GPC5: variants seen among roughly 807,000 people sequenced by gnomAD.
GPC5 encodes the protein glypican 5, also known as glypican-5.
GPC5 carries 47 observed loss-of-function variants against 53.9 expected under a neutral mutation model. That is an observed-to-expected ratio of 0.87 (90% CI 0.69 to 1.11). The LOEUF (loss-of-function observed/expected upper bound fraction) is 1.11, where lower values mean the gene tolerates loss of function less well. GPC5 is among the 50% of genes most tolerant of loss of function. The pLI, the probability that GPC5 is intolerant of heterozygous loss-of-function variation, is 0.00. For synonymous variants in GPC5, 286 were observed against 263.3 expected, an observed-to-expected ratio of 1.09 and a Z score of -0.84; for missense variants, 748 against 713.1, an observed-to-expected ratio of 1.05 and a Z score of -0.56.
At chr13:92,083,023 T>A (rs1344065191) in intron 6 of GPC5, among the ~76,000 whole-genome samples, 3 of 152,220 alleles carry the variant, frequency 2.0e-5, no homozygotes, top group Non-Finnish European at 2.9e-5. Flanking sequence ...AATACTCATT[T>A]ATTGAGTTTA....
At chr13:92,013,256 T>G (rs1379548616) in intron 6 of GPC5, among the ~76,000 whole-genome samples, 1 of 152,208 alleles carries the variant, frequency 6.6e-6, no homozygotes, top group African/African-American at 2.4e-5. Context: ...GCAGAGAATT[T>G]TATTTAGCAA....
At chr13:91,915,873 A>G (rs548340383) in intron 6 of GPC5, among the ~76,000 whole-genome samples, 6 of 152,324 alleles carry the variant, frequency 3.9e-5, no homozygotes, top group African/African-American at 1.2e-4. Flanking sequence ...AACAACTAGG[A>G]TAAGTGAGGA....
rs560763520 is a variant in GPC5, at chr13:91,625,964, A to G, written c.326-67223A>G. On this transcript the variant is annotated intron_variant, in intron 2 of 7. Coordinates refer to ENST00000377067, the MANE Select transcript of GPC5 (RefSeq NM_004466.6). ...TTTTAAGCAGATATTTAGTCTTTCA[A>G]TTTCACTGATGGCATATTTTTGAAG... Among the ~76,000 whole-genome samples the G allele has an allele frequency of 2.5e-4, 38 of 152,204 alleles. 1 individual carries two copies. The South Asian group carries it at 5.4e-3, about 22-fold the overall frequency.
chr13:92,098,846 C>T (rs150815112), intron 6 of GPC5, among the ~76,000 whole-genome samples: 1 of 152,076 alleles, frequency 6.6e-6, no homozygotes, highest in Non-Finnish European at 1.5e-5. Flanking sequence ...CCCAGTGAGA[C>T]AGATATTGGA....
At chr13:91,567,874 C>T (rs2031606256) in intron 2 of GPC5, among the ~76,000 whole-genome samples, 1 of 152,152 alleles carries the variant, frequency 6.6e-6, no homozygotes, top group Admixed American at 6.6e-5. Flanking sequence ...ATTGTAATCC[C>T]CGCATGTGGC....
chr13:92,033,106 G>C (rs1358450505), intron 6 of GPC5, among the ~76,000 whole-genome samples: 2 of 149,862 alleles, frequency 1.3e-5, no homozygotes, highest in Non-Finnish European at 3.0e-5. Flanking sequence ...GTTTCCTTCA[G>C]GGCACTTTTT....
intron 2 of GPC5, among the ~76,000 whole-genome samples, chr13:91,510,737 A>T (rs372922511): frequency 6.6e-5 from 10 of 152,192 alleles, no homozygotes; most frequent in African/African-American, 2.4e-4. Context: ...TCCATAATGG[A>T]TATAACTATT....
intron 7 of GPC5, among the ~76,000 whole-genome samples, chr13:92,159,284 C>A (rs1461232329): frequency 6.6e-6 from 1 of 152,168 alleles, no homozygotes; most frequent in Non-Finnish European, 1.5e-5. Context: ...CGTCTGGTTT[C>A]TTTTCTGCTG....
chr13:92,454,715 C>G (rs115794143), intron 7 of GPC5, among the ~76,000 whole-genome samples: 1 of 152,014 alleles, frequency 6.6e-6, no homozygotes, highest in African/African-American at 2.4e-5. Flanking sequence ...AAAGATGGAG[C>G]CTTTGTCCTC....
chr13:92,723,954 G>T (rs992021349), intron 7 of GPC5, among the ~76,000 whole-genome samples: 4 of 151,486 alleles, frequency 2.6e-5, no homozygotes, highest in African/African-American at 9.7e-5. Context: ...TAATTGAACT[G>T]TTTTTTGCGT....
At position 92,663,846 on chromosome 13, in the gene GPC5, CACACACACACTATA is replaced by C. The variant is rs1886457853; in HGVS notation, c.1562-202435_1562-202422del. Among the ~76,000 whole-genome samples the C allele has an allele frequency of 5.7e-4, 66 of 115,712 alleles. 1 individual carries two copies. The highest frequency in any genetic ancestry group is 2.0e-3 in the African/African-American group (59 of 28,930). The allele number at this position is 115,712 out of a possible 152,430, so 75.9% of individuals were successfully genotyped here. ...TATATACACACACTATATATATATA[CACACACACACTATA>C]TATATATATATATATATATATATAT... On this transcript the variant is annotated intron_variant, in intron 7 of 7. Coordinates refer to ENST00000377067, the MANE Select transcript of GPC5 (RefSeq NM_004466.6).
chr13:92,404,467 C>T (rs1403831818), intron 7 of GPC5, among the ~76,000 whole-genome samples: 1 of 152,148 alleles, frequency 6.6e-6, no homozygotes, highest in Non-Finnish European at 1.5e-5. Context: ...TGGACAAAAG[C>T]AAGATAATTG....
At chr13:91,909,567 C>A (rs1393796022) in intron 6 of GPC5, among the ~76,000 whole-genome samples, 2 of 152,016 alleles carry the variant, frequency 1.3e-5, no homozygotes, top group Non-Finnish European at 2.9e-5. Context: ...AGTGCAATAG[C>A]ACATACATAT....
chr13:92,572,064 C>T (rs1390462461), intron 7 of GPC5, among the ~76,000 whole-genome samples: 5 of 151,984 alleles, frequency 3.3e-5, no homozygotes, highest in African/African-American at 9.7e-5. Flanking sequence ...AGCTGTTAGC[C>T]ATGTGAAATC....
intron 7 of GPC5, among the ~76,000 whole-genome samples, chr13:92,213,095 A>G (rs2042386637): frequency 6.6e-6 from 1 of 152,202 alleles, no homozygotes; most frequent in African/African-American, 2.4e-5. Context: ...CCCAGAAGAA[A>G]GGGAGGAGAT....
chr13:91,747,171 TA>T (rs1460515948), intron 4 of GPC5, among the ~76,000 whole-genome samples: 13 of 152,232 alleles, frequency 8.5e-5, no homozygotes, highest in Non-Finnish European at 1.8e-4. Context: ...TAAACATGAT[TA>T]AAGTCAATTA....
At chr13:92,541,858 A>T (rs1354734031) in intron 7 of GPC5, among the ~76,000 whole-genome samples, 1 of 151,958 alleles carries the variant, frequency 6.6e-6, no homozygotes, top group Non-Finnish European at 1.5e-5. Flanking sequence ...CAGTTGCTCC[A>T]GGACCATTTA....
At chr13:92,619,134 A>G (rs1884791651) in intron 7 of GPC5, among the ~76,000 whole-genome samples, 1 of 151,914 alleles carries the variant, frequency 6.6e-6, no homozygotes, top group Admixed American at 6.6e-5. Flanking sequence ...TTTTCAAACA[A>G]TTGTGTTTTA....
chr13:92,220,954 G>T (rs570841320), intron 7 of GPC5, among the ~76,000 whole-genome samples: 30 of 152,096 alleles, frequency 2.0e-4, no homozygotes, highest in Non-Finnish European at 3.5e-4. Flanking sequence ...AGGGGTGGAG[G>T]TTGTGTATTT....
Sources: allele counts gnomAD v4.1 joint callset (sites outside exome capture counted in the v4.1 genomes callset), GRCh38; gene constraint gnomAD v4.1.1; transcripts MANE v1.5; gene names NCBI Gene and HGNC (gene_info 2026-07-23, HGNC 2026-07-21).